The following HPSE2 variants were observed in gnomAD, a reference collection of about 807,000 sequenced individuals.
HPSE2 encodes the protein heparanase 2 (inactive).
In HPSE2, 38 loss-of-function variants were observed where a neutral mutation model predicts 60.5. That is an observed-to-expected ratio of 0.63 (90% confidence interval 0.48 to 0.82). The LOEUF (loss-of-function observed/expected upper bound fraction) is 0.82. HPSE2 is among the 40% of genes least tolerant of loss of function. The pLI, the probability that HPSE2 is intolerant of heterozygous loss-of-function variation, is 0.00. For missense variants in HPSE2, 713 were observed against 740.4 expected, an observed-to-expected ratio of 0.96 and a Z score of 0.43; for synonymous variants, 295 against 293.2, an observed-to-expected ratio of 1.01 and a Z score of -0.06.
rs137918243 is a variant in HPSE2 at position 98,843,416 on chromosome 10, T to C, written c.611-99360A>G. Among the ~76,000 whole-genome samples the C allele has an allele frequency of 1.0e-3, 159 of 152,328 alleles. 1 individual carries two copies. Among genetic ancestry groups the C allele is most frequent in the African/African-American group, 3.7e-3 (154 of 41,584 alleles). On this transcript the variant is annotated intron_variant, in intron 3 of 11. Transcript: ENST00000370552. ...TGGTTGGTATTAGGATAATCCAATA[T>C]AGAACACAATATATTATTGCAAAAT...
chr10:98,632,039 A>T (rs946740983), intron 7 of HPSE2, among the ~76,000 whole-genome samples: 13 of 152,124 alleles, frequency 8.5e-5, no homozygotes, highest in African/African-American at 2.9e-4. Flanking sequence ...TAGGAATATA[A>T]ATATTACATG....
chr10:98,503,881 C>G (rs527944780), intron 9 of HPSE2, among the ~76,000 whole-genome samples: 15 of 152,104 alleles, frequency 9.9e-5, no homozygotes, highest in African/African-American at 3.6e-4. Flanking sequence ...GGGGAGCAAG[C>G]GATACAAGAC....
intron 2 of HPSE2, among the ~76,000 whole-genome samples, chr10:99,185,062 G>T (rs1302187598): frequency 1.3e-5 from 2 of 151,748 alleles, no homozygotes; most frequent in Non-Finnish European, 2.9e-5. Context: ...CACTTTGGGA[G>T]GCTAAGGCTG....
intron 3 of HPSE2, among the ~76,000 whole-genome samples, chr10:99,139,380 A>G (rs931639620): frequency 3.9e-5 from 6 of 152,168 alleles, no homozygotes; most frequent in African/African-American, 1.4e-4. Flanking sequence ...AGACTTCATC[A>G]CTATACAATT....
chr10:98,868,354 G>A (rs1276180540), intron 3 of HPSE2, among the ~76,000 whole-genome samples: 1 of 152,140 alleles, frequency 6.6e-6, no homozygotes, highest in South Asian at 2.1e-4. Flanking sequence ...GAGAAGAGTA[G>A]GGAGGTGGTG....
At chr10:98,996,267 T>A (rs1956640013) in intron 3 of HPSE2, among the ~76,000 whole-genome samples, 1 of 152,170 alleles carries the variant, frequency 6.6e-6, no homozygotes, top group Admixed American at 6.5e-5. Flanking sequence ...CTTCTGCAAA[T>A]CCAAAATTGT....
At chr10:98,546,850 C>T (rs1369334208) in intron 9 of HPSE2, among the ~76,000 whole-genome samples, 16 of 150,362 alleles carry the variant, frequency 1.1e-4, no homozygotes, top group Non-Finnish European at 1.8e-4. Flanking sequence ...AAGAAACTAC[C>T]ATCAGAGTGA....
upstream of HPSE2, among the ~76,000 whole-genome samples, chr10:99,240,812 C>T (rs543205635): frequency 6.6e-6 from 1 of 152,266 alleles, no homozygotes; most frequent in South Asian, 2.1e-4. Flanking sequence ...TTCTACTAAA[C>T]ATTCAAAGCT....
At chr10:98,854,776 C>G (rs1246350737) in intron 3 of HPSE2, among the ~76,000 whole-genome samples, 1 of 152,134 alleles carries the variant, frequency 6.6e-6, no homozygotes, top group Non-Finnish European at 1.5e-5. Flanking sequence ...CAAGAAAAAC[C>G]AAGTCTCTGT....
intron 7 of HPSE2, among the ~76,000 whole-genome samples, chr10:98,632,156 T>C (rs1184325168): frequency 3.3e-5 from 5 of 152,226 alleles, no homozygotes; most frequent in African/African-American, 9.6e-5. Context: ...CCAATTTTAC[T>C]ACTTAAAAAG....
At position 98,792,249 on chromosome 10, in the gene HPSE2, T is replaced by G. The variant is rs59019024; in HGVS notation, c.611-48193A>C. On this transcript the variant is annotated intron_variant, in intron 3 of 11. Transcript: ENST00000370552. ...TAAATCTAATCTGTACACACTCATT[T>G]TTCTTTTATTTTTATCATCAAGGTG... Among the ~76,000 whole-genome samples, 304 of 152,328 alleles carry G rather than the reference T, an allele frequency of 2.0e-3. 2 individuals are homozygous for G. Among genetic ancestry groups the G allele is most frequent in the African/African-American group, 6.7e-3 (278 of 41,578 alleles).
intron 6 of HPSE2, among the ~76,000 whole-genome samples, chr10:98,686,586 T>C (rs1244205824): frequency 6.6e-6 from 1 of 152,018 alleles, no homozygotes; most frequent in Non-Finnish European, 1.5e-5. Context: ...AAATTCTCCT[T>C]AGAGATGGAA....
chr10:98,999,311 T>C (rs536730916), intron 3 of HPSE2, among the ~76,000 whole-genome samples: 60 of 152,280 alleles, frequency 3.9e-4, no homozygotes, highest in African/African-American at 1.3e-3. Flanking sequence ...AATTTGATTT[T>C]GGAAACTCAG....
intron 6 of HPSE2, among the ~76,000 whole-genome samples, chr10:98,653,451 GT>G (rs1057483356): frequency 2.7e-5 from 4 of 148,764 alleles, no homozygotes; most frequent in African/African-American, 9.9e-5. Context: ...GTTTTCTCTG[GT>G]TTTAATTGAG....
At chr10:98,821,979 G>A (rs1044200496) in intron 3 of HPSE2, among the ~76,000 whole-genome samples, 1 of 152,096 alleles carries the variant, frequency 6.6e-6, no homozygotes, top group African/African-American at 2.4e-5. Flanking sequence ...AAATCATATT[G>A]AGCTGATAAC....
At chr10:98,943,331 G>T (rs112192244) in intron 3 of HPSE2, among the ~76,000 whole-genome samples, 2,915 of 151,948 alleles carry the variant, frequency 0.019, 41 homozygotes, top group Non-Finnish European at 0.032. Flanking sequence ...TGGGAGACTT[G>T]TATTGAGTAT....
chr10:98,955,523 G>T (rs1199361803), intron 3 of HPSE2, among the ~76,000 whole-genome samples: 2 of 152,142 alleles, frequency 1.3e-5, no homozygotes, highest in Non-Finnish European at 2.9e-5. Flanking sequence ...ATATAAATTA[G>T]TTCAACCATT....
chr10:99,153,900 T>G (rs1846401035), intron 2 of HPSE2, among the ~76,000 whole-genome samples: 1 of 151,322 alleles, frequency 6.6e-6, no homozygotes, highest in African/African-American at 2.4e-5. Flanking sequence ...TACAGAGAAG[T>G]GCTTAAAGGA....
chr10:98,612,544 C>T (rs1945790715), intron 9 of HPSE2, among the ~76,000 whole-genome samples: 1 of 152,038 alleles, frequency 6.6e-6, no homozygotes, highest in Non-Finnish European at 1.5e-5. Flanking sequence ...TTTTGGTTCC[C>T]CACAGTGGCC....
Sources: gnomAD v4.1 joint callset for allele counts (sites outside exome capture counted in the v4.1 genomes callset) on GRCh38, gnomAD v4.1.1 for gene constraint, MANE v1.5 for transcripts, NCBI Gene and HGNC (gene_info 2026-07-23, HGNC 2026-07-21) for gene names.